The following PIP4K2A variants were observed in gnomAD, a reference collection of about 807,000 sequenced individuals.
PIP4K2A encodes the protein phosphatidylinositol 5-phosphate 4-kinase type-2 alpha.
Under a neutral mutation model 42.9 loss-of-function variants are expected in PIP4K2A, and 14 were observed. The ratio of observed to expected loss-of-function variants is 0.33; its 90% CI spans 0.22 to 0.51. PIP4K2A has a LOEUF of 0.51. Among genes scored for constraint, PIP4K2A ranks in the 20% least tolerant of loss-of-function variants. The pLI is 0.97. For synonymous variants in PIP4K2A, 192 were observed against 192.2 expected (o/e 1.00, Z 0.01); for missense variants, 434 against 519.8 (o/e 0.83, Z 1.61).
chr10:22,653,265 AG>A (rs1455438736), intron 1 of PIP4K2A, among the ~76,000 whole-genome samples: 3 of 152,166 alleles, frequency 2.0e-5, no homozygotes, highest in Non-Finnish European at 4.4e-5. Context: ...GGTGGGGGGC[AG>A]TACGTGGGAG....
In PIP4K2A at chr10:22,616,298, A is replaced by G. The variant is rs564667349; in HGVS notation, c.145-6581T>C. On this transcript the variant is annotated intron_variant, in intron 1 of 9. Coordinates refer to ENST00000376573, the MANE Select transcript of PIP4K2A (RefSeq NM_005028.5). ...CTAACTCACTGCCACACTTGGCACTAACCTTACGGCTCATGCTAGGTGCAC... is the reference window on the plus strand; with the variant it reads ...CTAACTCACTGCCACACTTGGCACTGACCTTACGGCTCATGCTAGGTGCAC... 3.0e-4 allele frequency among the ~76,000 whole-genome samples: 45 copies of G among 152,276 alleles called. 1 individual carries two copies. The South Asian group carries it at 8.9e-3, about 30-fold the overall frequency.
At chr10:22,690,082 ACAG>A (rs1564468636) in intron 1 of PIP4K2A, among the ~76,000 whole-genome samples, 4 of 152,226 alleles carry the variant, frequency 2.6e-5, no homozygotes, top group African/African-American at 9.6e-5. Context: ...TATTCACACT[ACAG>A]CAGCAGCATC....
chr10:22,597,039 A>C (rs1366828523), intron 3 of PIP4K2A, among the ~76,000 whole-genome samples: 2 of 152,256 alleles, frequency 1.3e-5, no homozygotes. Context: ...TTTGCCAAGT[A>C]AAGTGTGTAG....
Position 22,709,959 on chromosome 10 carries a change from CCTT to C in PIP4K2A, c.144+4221_144+4223del, listed in dbSNP as rs1330774922. Reference sequence around the variant, plus strand: ...TCTAATTTTAATTTTAATGTAATTGCCTTATTATGTCCTATTCAGTCAAAGTCA... The same window carrying C: ...TCTAATTTTAATTTTAATGTAATTGCATTATGTCCTATTCAGTCAAAGTCA... On this transcript the variant is annotated intron_variant, in intron 1 of 9. Coordinates refer to ENST00000376573, the MANE Select transcript of PIP4K2A (RefSeq NM_005028.5). Among the ~76,000 whole-genome samples the C allele has an allele frequency of 3.3e-5, 5 of 151,910 alleles. No individual in the cohort carries two copies. In the South Asian group the frequency reaches 1.0e-3, roughly 32 times the overall value.
intron 1 of PIP4K2A, among the ~76,000 whole-genome samples, chr10:22,687,663 G>A (rs191518117): frequency 3.7e-4 from 56 of 151,986 alleles, no homozygotes; most frequent in Non-Finnish European, 6.8e-4. Context: ...AATCCGCAAC[G>A]ATCAAGTCCC....
At position 22,541,050 on chromosome 10, in the gene PIP4K2A, G is replaced by A. The variant is rs557646343; in HGVS notation, c.1036+754C>T. ...GTTTTTATTATTCAAAAACCAAGAA[G>A]CTGTTTTTATCCTATCACAAAAATA... On this transcript the variant is annotated intron_variant, in intron 8 of 9. Transcript: ENST00000376573. 5.3e-5 allele frequency among the ~76,000 whole-genome samples: 8 copies of A among 152,304 alleles called. No individual in the cohort carries two copies. In the South Asian group the frequency reaches 1.7e-3, roughly 32 times the overall value.
At chr10:22,605,805 TTTC>T (rs950007368) in intron 3 of PIP4K2A, among the ~76,000 whole-genome samples, 21 of 151,680 alleles carry the variant, frequency 1.4e-4, no homozygotes, top group Non-Finnish European at 2.8e-4. Flanking sequence ...CAGAGGAGAT[TTTC>T]TTAAGACACT....
intron 9 of PIP4K2A, among the ~76,000 whole-genome samples, chr10:22,538,686 C>G (rs1836002642): frequency 6.6e-6 from 1 of 152,124 alleles, no homozygotes; most frequent in Admixed American, 6.5e-5. Context: ...GAACTGGCCT[C>G]AGAAATGACG....
chr10:22,575,162 G>A (rs563167315), intron 4 of PIP4K2A, among the ~76,000 whole-genome samples: 2 of 152,256 alleles, frequency 1.3e-5, no homozygotes, highest in East Asian at 1.9e-4. Flanking sequence ...TACTTCACAC[G>A]GTGCTGTGTA....
chr10:22,559,440 G>A (rs562666070), intron 6 of PIP4K2A, among the ~76,000 whole-genome samples: 1 of 152,310 alleles, frequency 6.6e-6, no homozygotes, highest in South Asian at 2.1e-4. Context: ...AGCACCATAA[G>A]CCATAAGTCA....
At chr10:22,629,505 T>C (rs1838507668) in intron 1 of PIP4K2A, among the ~76,000 whole-genome samples, 1 of 152,140 alleles carries the variant, frequency 6.6e-6, no homozygotes, top group Non-Finnish European at 1.5e-5. Flanking sequence ...TTCTGTATTA[T>C]AATTAAAAAA....
At chr10:22,683,839 A>T (rs1186500954) in intron 1 of PIP4K2A, among the ~76,000 whole-genome samples, 2 of 124,582 alleles carry the variant, frequency 1.6e-5, no homozygotes, top group African/African-American at 6.7e-5. Context: ...AGCAGTTCAC[A>T]CACACACACA....
chr10:22,541,672 A>C (rs748481343), intron 8 of PIP4K2A, 132 bp downstream of exon 8: 6 of 1,048,232 alleles, frequency 5.7e-6, no homozygotes, highest in Non-Finnish European at 6.8e-6. Context: ...CCCCAAATCC[A>C]TTTCTTTGGA....
chr10:22,543,296 G>A (rs1228979506), intron 7 of PIP4K2A, among the ~76,000 whole-genome samples: 3 of 152,140 alleles, frequency 2.0e-5, no homozygotes, highest in Non-Finnish European at 4.4e-5. Flanking sequence ...ACCCCGCTCA[G>A]CCCAGCAAAC....
chr10:22,688,735 G>A (rs540751315), intron 1 of PIP4K2A, among the ~76,000 whole-genome samples: 9 of 152,270 alleles, frequency 5.9e-5, no homozygotes, highest in African/African-American at 2.2e-4. Context: ...TTATAGGCAT[G>A]AGCCACCGTG....
At chr10:22,682,530 A>G (rs1364191445) in intron 1 of PIP4K2A, among the ~76,000 whole-genome samples, 1 of 152,170 alleles carries the variant, frequency 6.6e-6, no homozygotes, top group East Asian at 1.9e-4. Context: ...AGTGTCCATG[A>G]ACCTAAAAAA....
intron 1 of PIP4K2A, among the ~76,000 whole-genome samples, chr10:22,687,908 T>C (rs896162641): frequency 3.3e-5 from 5 of 152,230 alleles, no homozygotes; most frequent in African/African-American, 1.2e-4. Flanking sequence ...GGGCCTACTT[T>C]GTGCGAGATC....
At chr10:22,549,042 T>TCTCTA (rs2130756229) in intron 7 of PIP4K2A, among the ~76,000 whole-genome samples, 1 of 152,272 alleles carries the variant, frequency 6.6e-6, no homozygotes, top group Non-Finnish European at 1.5e-5. Flanking sequence ...AGCAAGACTG[T>TCTCTA]CTCTAAAAAC....
rs116589035 is a variant in PIP4K2A, at chr10:22,604,906, G to C, written c.339+3021C>G. On this transcript the variant is annotated intron_variant, in intron 3 of 9. Coordinates refer to ENST00000376573, the MANE Select transcript of PIP4K2A (RefSeq NM_005028.5). ...CCAGGCAGCTGAAGCCCCAGGTCCTGGCCCCTGCCCGCCTGCCGCCTGAAT... is the reference window on the plus strand; with the variant it reads ...CCAGGCAGCTGAAGCCCCAGGTCCTCGCCCCTGCCCGCCTGCCGCCTGAAT... 2.6e-3 allele frequency among the ~76,000 whole-genome samples: 401 copies of C among 152,312 alleles called. 2 individuals are homozygous for C. Among genetic ancestry groups the C allele is most frequent in the African/African-American group, 8.9e-3 (372 of 41,568 alleles).
Sources: allele counts gnomAD v4.1 joint callset (sites outside exome capture counted in the v4.1 genomes callset), GRCh38; gene constraint gnomAD v4.1.1; transcripts MANE v1.5; gene names NCBI Gene and HGNC (gene_info 2026-07-23, HGNC 2026-07-21).